The following SYNE2 variants were observed in gnomAD, a reference collection of about 807,000 sequenced individuals.
SYNE2 encodes spectrin repeat containing nuclear envelope protein 2, also known as nesprin-2.
Under a neutral mutation model 856.3 loss-of-function variants are expected in SYNE2, and 431 were observed. That is an observed-to-expected ratio of 0.50 (90% confidence interval 0.47 to 0.55). The LOEUF (loss-of-function observed/expected upper bound fraction) is 0.55. Ranked by LOEUF, SYNE2 falls within the 20% of genes least tolerant of loss-of-function variation. SYNE2 has a pLI of 0.00. For missense variants in SYNE2, 8,129 were observed against 8,023.2 expected (o/e 1.01, Z -0.50); for synonymous variants, 2,923 against 2,872.3 (o/e 1.02, Z -0.56).
In SYNE2 at chr14:63,810,983, C is replaced by T. The variant is rs12436556; in HGVS notation, c.-304-41518C>T. Reference sequence around the variant, plus strand: ...CTGAGTAGCTGGGACTACAGGTGCCCGCCACCACCTCCAGCTAATTTTTTG... The same window carrying T: ...CTGAGTAGCTGGGACTACAGGTGCCTGCCACCACCTCCAGCTAATTTTTTG... On this transcript the variant is annotated intron_variant, in intron 1 of 23. Coordinates refer to the SYNE2 transcript ENST00000674003. 9.0e-3 allele frequency among the ~76,000 whole-genome samples: 1,367 copies of T among 151,788 alleles called. 41 individuals carry two copies. The highest frequency in any genetic ancestry group is 0.056 in the Admixed American group (856 of 15,236).
At chr14:63,898,730 G>C (rs529530905) in intron 1 of SYNE2, among the ~76,000 whole-genome samples, 1 of 152,260 alleles carries the variant, frequency 6.6e-6, no homozygotes, top group African/African-American at 2.4e-5. Context: ...CTAAGAACAA[G>C]TGTTTAGGAC....
intron 12 of SYNE2, 110 bp from the exon 13 acceptor site, chr14:63,977,795 G>T (rs1595998038): frequency 3.8e-6 from 3 of 792,556 alleles, no homozygotes; most frequent in East Asian, 5.4e-5. Context: ...TGTGGGGAGG[G>T]TTTTATGATT....
chr14:64,212,004 G>A lies in SYNE2; in HGVS notation c.18767G>A (p.Ser6256Asn). Residue 6256 changes from serine to asparagine, a missense_variant, in exon 104 of 116, where the codon AGC becomes AAC. Around this residue, in one of 3 missense-constraint regions of SYNE2, gnomAD observed 5,410 missense variants for 5,284.8 expected, o/e 1.02. Transcript: ENST00000555002. ...GAAGAATTTGAGGGCACCAGGGAGAGCATTCTGGTGTGGCTCACAGAGATG... is the reference window on the plus strand; with the variant it reads ...GAAGAATTTGAGGGCACCAGGGAGAACATTCTGGTGTGGCTCACAGAGATG... ...QREEFEGTRESILVWLTEMDL... is the reference protein window; with the variant it reads ...QREEFEGTRENILVWLTEMDL... The A allele has an allele frequency of 6.2e-7, 1 of 1,614,208 alleles. No homozygotes were observed.
In SYNE2 at chr14:64,209,986, C is replaced by T; in HGVS notation, c.18585C>T (p.Leu6195=). ...ATGAGCGGCTCACTCAGCTGGAGCT[C>T]ATCAACAAGCAGTACCGGCGGCTGG... ...QIHERLTQLE[L]INKQYRRLAR... The change falls in exon 103 of 116, where the codon CTC becomes CTT. Residue 6195 remains leucine (L), a synonymous_variant. Transcript: ENST00000555002. 6.2e-7 allele frequency: 1 copy of T among 1,614,162 alleles called. No individual in the cohort carries two copies.
At chr14:64,015,480 T>G (rs1423703165) in intron 32 of SYNE2, among the ~76,000 whole-genome samples, 2 of 152,118 alleles carry the variant, frequency 1.3e-5, no homozygotes, top group Non-Finnish European at 2.9e-5. Flanking sequence ...GTGTGTAAAG[T>G]TATTTGTAGC....
rs919299666 is a variant in SYNE2 at position 63,982,925 on chromosome 14, T to C, written c.2001+131T>C. ...TACGTAGCCATTACCATAAAAAATT[T>C]AGAACATTTTTATTACTTCATAAGG... On this transcript the variant is annotated intron_variant, in intron 17 of 115. Coordinates refer to ENST00000555002, the MANE Select transcript of SYNE2 (RefSeq NM_182914.3). 36 of 935,742 alleles carry C rather than the reference T, an allele frequency of 3.8e-5. 1 individual carries two copies. The Admixed American group carries it at 4.8e-4, about 13-fold the overall frequency. 58.0% of individuals were successfully genotyped at this position (935,742 alleles called of 1,614,324 possible). A position where few individuals can be genotyped will look rare whatever the true frequency, so the allele number is the denominator to read the frequency against.
intron 108 of SYNE2, chr14:64,218,154 C>T (rs2098675853): frequency 4.3e-6 from 2 of 467,312 alleles, no homozygotes; most frequent in Non-Finnish European, 7.9e-6. Flanking sequence ...CCTTTTCTTC[C>T]CATCACTGAC....
At chr14:64,199,133 G>C (rs1323796458) in intron 99 of SYNE2, among the ~76,000 whole-genome samples, 2 of 152,196 alleles carry the variant, frequency 1.3e-5, no homozygotes, top group Non-Finnish European at 2.9e-5. Context: ...AAGAGCCCAG[G>C]TTGTAGCATC....
At chr14:64,162,345 G>A (rs934759349) in intron 88 of SYNE2, 69 bp downstream of exon 88, 1 of 1,493,338 alleles carries the variant, frequency 6.7e-7, no homozygotes, top group African/African-American at 1.4e-5. Flanking sequence ...GGACAGCCAT[G>A]ACCTGGGGAC....
intron 52 of SYNE2, among the ~76,000 whole-genome samples, chr14:64,072,660 C>T (rs1036836487): frequency 4.6e-5 from 7 of 152,256 alleles, no homozygotes; most frequent in East Asian, 1.9e-4. Flanking sequence ...CCACCACACC[C>T]GGCTAATTCT....
chr14:63,793,106 A>T (rs1362294526), intron 1 of SYNE2, among the ~76,000 whole-genome samples: 1 of 152,172 alleles, frequency 6.6e-6, no homozygotes, highest in Non-Finnish European at 1.5e-5. Context: ...TCACTAATAG[A>T]ATGTCCCCAA....
chr14:64,218,462 ACC>A lies in SYNE2; in HGVS notation c.19609_19610del (p.Pro6537ThrfsTer32), dbSNP rs773001246. 20 of 1,614,002 alleles carry A rather than the reference ACC, an allele frequency of 1.2e-5. No homozygotes were observed. The African/African-American group carries it at 2.7e-4, about 22-fold the overall frequency. ...GAAGGCCCGCGAGTCCTGAATGGCA[ACC>A]CACAGCAGGAAGACGGGGGACTGGC... On this transcript the variant is annotated frameshift_variant, in exon 109 of 116. Transcript: ENST00000555002. LOFTEE classifies it high-confidence loss of function.
At chr14:64,008,176 T>C (rs1474640993) in intron 31 of SYNE2, among the ~76,000 whole-genome samples, 1 of 152,212 alleles carries the variant, frequency 6.6e-6, no homozygotes, top group Non-Finnish European at 1.5e-5. Flanking sequence ...TCTGTCATCA[T>C]GTCTCCTTTG....
intron 79 of SYNE2, 55 bp from the exon 80 acceptor site, chr14:64,139,886 A>T: frequency 6.2e-7 from 1 of 1,600,348 alleles, no homozygotes; most frequent in Non-Finnish European, 8.6e-7. Context: ...GGTGATGCAT[A>T]TCATTATCAG....
intron 1 of SYNE2, among the ~76,000 whole-genome samples, chr14:63,802,041 C>CT (rs1009216903): frequency 6.8e-6 from 1 of 147,682 alleles, no homozygotes; most frequent in Admixed American, 6.7e-5. Context: ...AACTTAAAAA[C>CT]TTTTTTTATA....
At position 64,207,570 on chromosome 14, in the gene SYNE2, G is replaced by A. The variant is rs540155880; in HGVS notation, c.18202-1188G>A. Among the ~76,000 whole-genome samples, 12 of 150,250 alleles carry A rather than the reference G, an allele frequency of 8.0e-5. No individual in the cohort carries two copies. The South Asian group carries it at 1.9e-3, about 24-fold the overall frequency. Reference sequence around the variant, plus strand: ...TCAAAAAAAAAAAAAAAGAGAGTATGAAAATAGTGGTCCCATCTAGTAATA... The same window carrying A: ...TCAAAAAAAAAAAAAAAGAGAGTATAAAAATAGTGGTCCCATCTAGTAATA... On this transcript the variant is annotated intron_variant, in intron 100 of 115. Coordinates refer to ENST00000555002, the MANE Select transcript of SYNE2 (RefSeq NM_182914.3).
In SYNE2 at chr14:63,982,768, A is replaced by C. The variant is rs2096596367; in HGVS notation, c.1975A>C (p.Arg659=). The C allele has an allele frequency of 1.2e-6, 2 of 1,614,046 alleles. No individual in the cohort carries two copies. The highest frequency in any genetic ancestry group is 1.3e-5 in the African/African-American group (1 of 75,036). Residue 659 remains arginine (R), a synonymous_variant, in exon 17 of 116, where the codon AGA becomes CGA. Coordinates refer to ENST00000555002, the MANE Select transcript of SYNE2 (RefSeq NM_182914.3). ...KELRRLNKRW[R]KLVSKTQLEM... ...ACTGAGAAGGCTGAATAAAAGATGG[A>C]GAAAGTTGGTTTCAAAAACTCAACT...
intron 1 of SYNE2, among the ~76,000 whole-genome samples, chr14:63,857,711 A>G (rs1322774687): frequency 6.6e-6 from 1 of 152,136 alleles, no homozygotes; most frequent in Non-Finnish European, 1.5e-5. Flanking sequence ...CTGATGACTA[A>G]TGATGTTGAG....
At chr14:64,215,996 T>A in intron 107 of SYNE2, 1 of 1,422,738 alleles carries the variant, frequency 7.0e-7, no homozygotes, top group Non-Finnish European at 9.2e-7. Context: ...AGACCCTGGC[T>A]CCAAAACGCC....
Sources: allele counts gnomAD v4.1 joint callset (sites outside exome capture counted in the v4.1 genomes callset), GRCh38; gene constraint gnomAD v4.1.1; regional missense constraint gnomAD v4.1.1; transcripts MANE v1.5; gene names NCBI Gene and HGNC (gene_info 2026-07-23, HGNC 2026-07-21).